The following PPP2R2C variants were observed in gnomAD, a reference collection of about 807,000 sequenced individuals.
PPP2R2C encodes the protein protein phosphatase 2, regulatory subunit B, gamma.
A neutral mutation model predicts 45.3 loss-of-function variants in PPP2R2C; 10 were observed. That is an observed-to-expected ratio of 0.22 (90% CI 0.14 to 0.37). The LOEUF is 0.37. Ranked by LOEUF, PPP2R2C falls within the 10% of genes least tolerant of loss-of-function variation. The probability of loss-of-function intolerance (pLI) is 1.00; values close to 1 mark genes in which losing one functional copy is unlikely to be tolerated. For synonymous variants in PPP2R2C, 257 were observed against 245.4 expected, an observed-to-expected ratio of 1.05 and a Z score of -0.44; for missense variants, 308 against 619.7, an observed-to-expected ratio of 0.50 and a Z score of 5.34.
intron 1 of PPP2R2C, among the ~76,000 whole-genome samples, chr4:6,459,758 G>C (rs1430861980): frequency 6.6e-6 from 1 of 152,100 alleles, no homozygotes; most frequent in African/African-American, 2.4e-5. Context: ...CTGCACTCCA[G>C]CCTGACCAAC....
At chr4:6,472,619 G>A (rs1191956807), upstream of PPP2R2C, among the ~76,000 whole-genome samples, 5 of 146,916 alleles carry the variant, frequency 3.4e-5, no homozygotes, top group South Asian at 1.0e-3. Context: ...CGGGCTGCGC[G>A]GGCTGGGGCC....
intron 1 of PPP2R2C, among the ~76,000 whole-genome samples, chr4:6,400,020 G>A (rs772613236): frequency 6.6e-6 from 1 of 152,206 alleles, no homozygotes; most frequent in Admixed American, 6.5e-5. Flanking sequence ...GCATGTGAAT[G>A]CATTGAAGTC....
chr4:6,384,290 A>T (rs573967520), intron 1 of PPP2R2C: 1 of 985,432 alleles, frequency 1.0e-6, no homozygotes, highest in African/African-American at 1.7e-5. Flanking sequence ...TTGGGTATAA[A>T]ATGCTTGTAA....
chr4:6,447,011 C>T (rs545054804), intron 1 of PPP2R2C, among the ~76,000 whole-genome samples: 2 of 152,156 alleles, frequency 1.3e-5, no homozygotes, highest in Non-Finnish European at 2.9e-5. Flanking sequence ...AACAGCGGCT[C>T]AAAGCACAGA....
chr4:6,397,957 A>G (rs1717157079), intron 1 of PPP2R2C, among the ~76,000 whole-genome samples: 2 of 152,388 alleles, frequency 1.3e-5, no homozygotes, highest in African/African-American at 4.8e-5. Flanking sequence ...CATGTGGATC[A>G]ATACAACTAA....
intron 2 of PPP2R2C, among the ~76,000 whole-genome samples, chr4:6,517,023 G>T (rs534330557): frequency 6.6e-6 from 1 of 152,284 alleles, no homozygotes; most frequent in Non-Finnish European, 1.5e-5. Flanking sequence ...AAAAAGCCCT[G>T]CTGCAGTGGG....
chr4:6,327,730 C>T (rs1173375501), intron 8 of PPP2R2C, among the ~76,000 whole-genome samples: 1 of 152,080 alleles, frequency 6.6e-6, no homozygotes, highest in Non-Finnish European at 1.5e-5. Flanking sequence ...CTGTGCCAGC[C>T]CAGCCCCGGG....
chr4:6,348,773 G>A, intron 5 of PPP2R2C: 1 of 883,898 alleles, frequency 1.1e-6, no homozygotes, highest in Non-Finnish European at 1.4e-6. Flanking sequence ...ACAGTGGAAA[G>A]AGTGCAGAGA....
chr4:6,334,602 G>A (rs1188989193), intron 6 of PPP2R2C, among the ~76,000 whole-genome samples: 1 of 152,130 alleles, frequency 6.6e-6, no homozygotes, highest in African/African-American at 2.4e-5. Flanking sequence ...AGTAGCGTGG[G>A]GACTAGGACC....
At chr4:6,356,966 GC>G (rs1713258397) in intron 5 of PPP2R2C, among the ~76,000 whole-genome samples, 1 of 150,150 alleles carries the variant, frequency 6.7e-6, no homozygotes. Context: ...GGCACCTCGG[GC>G]CAGTCTCAGC....
At chr4:6,540,022 A>C (rs4689477) in intron 1 of PPP2R2C, among the ~76,000 whole-genome samples, 114,995 of 152,134 alleles carry the variant, frequency 0.76, 45,509 homozygotes, top group Non-Finnish European at 0.89. Context: ...AATGACACCA[A>C]GCTTCTCACT....
chr4:6,380,101 G>A (rs1042783222), intron 2 of PPP2R2C: 1 of 152,442 alleles, frequency 6.6e-6, no homozygotes, highest in Non-Finnish European at 1.5e-5. Flanking sequence ...TTTGCGGGGG[G>A]AGACGCCCTC....
At chr4:6,477,002 C>T (rs1425480476), upstream of PPP2R2C, among the ~76,000 whole-genome samples, 3 of 152,158 alleles carry the variant, frequency 2.0e-5, no homozygotes, top group Non-Finnish European at 4.4e-5. Context: ...GTTCATATCA[C>T]CAGCACTCTG....
intron 1 of PPP2R2C, among the ~76,000 whole-genome samples, chr4:6,385,151 C>T (rs767507120): frequency 2.0e-5 from 3 of 152,146 alleles, no homozygotes; most frequent in Non-Finnish European, 4.4e-5. Context: ...TGCAATGTGG[C>T]GATGGATCTG....
chr4:6,453,937 C>T (rs758371864), intron 1 of PPP2R2C, among the ~76,000 whole-genome samples: 4 of 152,198 alleles, frequency 2.6e-5, no homozygotes, highest in African/African-American at 4.8e-5. Flanking sequence ...AATTTCCACC[C>T]GGTGCACACC....
chr4:6,381,780 G>C lies in PPP2R2C; in HGVS notation c.71-686C>G, dbSNP rs116399332. On this transcript the variant is annotated intron_variant, in intron 1 of 8. Coordinates refer to ENST00000382599, the MANE Select transcript of PPP2R2C (RefSeq NM_020416.4). The stretch of plus-strand genomic sequence containing the variant: ...CCTTATGGAGTCACCCCCATACCTG[G>C]AGTCTTCAATGCCCAGGGCTGGCCT... 7 of 1,613,366 alleles carry C rather than the reference G, an allele frequency of 4.3e-6. No homozygotes were observed. In the South Asian group the frequency reaches 4.4e-5, roughly 10 times the overall value.
intron 3 of PPP2R2C, among the ~76,000 whole-genome samples, chr4:6,377,819 G>A (rs951357199): frequency 2.0e-5 from 3 of 152,148 alleles, no homozygotes; most frequent in African/African-American, 7.2e-5. Context: ...CCCTCAGAGT[G>A]GAGCCTGGGA....
At position 6,323,636 on chromosome 4, in the gene PPP2R2C, C is replaced by T. The variant is rs201983996; in HGVS notation, c.1053-43G>A. The T allele has an allele frequency of 6.8e-6, 10 of 1,476,796 alleles. No individual in the cohort carries two copies. In the East Asian group the frequency reaches 1.9e-4, roughly 28 times the overall value. 91.5% of individuals were successfully genotyped at this position (1,476,796 alleles called of 1,614,324 possible). On this transcript the variant is annotated intron_variant, in intron 8 of 8. Coordinates refer to ENST00000382599, the MANE Select transcript of PPP2R2C (RefSeq NM_020416.4). ...GGCATCAGGTGAGGAGGAGCACAAG[C>T]CCCTTCTCGAGAAATAAGCCCAGGT...
rs1715189090 is a variant in PPP2R2C, at chr4:6,375,126, G to C, written c.447+693C>G. On this transcript the variant is annotated intron_variant, in intron 4 of 8. Transcript: ENST00000382599. Reference sequence around the variant, plus strand: ...ACCCTCATAAACTTTCTTGGGACGGGGGGTGGGGCAGGGGGCACCAGCACC... The same window carrying C: ...ACCCTCATAAACTTTCTTGGGACGGCGGGTGGGGCAGGGGGCACCAGCACC... Among the ~76,000 whole-genome samples the C allele has an allele frequency of 3.9e-5, 6 of 152,146 alleles. 1 individual carries two copies. Among genetic ancestry groups the C allele is most frequent in the Admixed American group, 3.9e-4 (6 of 15,286 alleles).
Sources: gnomAD v4.1 joint callset for allele counts (sites outside exome capture counted in the v4.1 genomes callset) on GRCh38, gnomAD v4.1.1 for gene constraint, MANE v1.5 for transcripts, NCBI Gene and HGNC (gene_info 2026-07-23, HGNC 2026-07-21) for gene names.